The following LRRC41 variants were observed in gnomAD, a reference collection of about 807,000 sequenced individuals.
LRRC41 encodes the protein leucine-rich repeat-containing protein 41.
In LRRC41, 17 loss-of-function variants were observed where a neutral mutation model predicts 72.1. The ratio of observed to expected loss-of-function variants is 0.24; its 90% CI spans 0.16 to 0.35. The LOEUF (loss-of-function observed/expected upper bound fraction) is 0.35. Ranked by LOEUF, LRRC41 falls within the 10% of genes least tolerant of loss-of-function variation. The probability of loss-of-function intolerance (pLI) is 1.00; values close to 1 mark genes in which losing one functional copy is unlikely to be tolerated. For synonymous variants in LRRC41, 427 were observed against 431.0 expected (o/e 0.99, Z 0.11); for missense variants, 759 against 1,065.0 (o/e 0.71, Z 4.00).
Position 46,279,591 on chromosome 1 carries a change from G to A in LRRC41, c.2044C>T (p.Leu682=). 2 of 1,614,202 alleles carry A rather than the reference G, an allele frequency of 1.2e-6. No homozygotes were observed. The highest frequency in any genetic ancestry group is 1.7e-6 in the Non-Finnish European group (2 of 1,180,038). Residue 682 remains leucine, a synonymous_variant, in exon 8 of 10, where the codon CTG becomes TTG. Coordinates refer to ENST00000617190, the MANE Select transcript of LRRC41 (RefSeq NM_006369.5). This position sits in a 1 kb window ranked among gnomAD's most constrained non-coding sequence, Gnocchi z 4.5. ...AATTGGGCTGGGCGCTTCTCAAACA[G>A]ACGGCAGAAGGAGAAGGTAATCTCT... The part of the protein sequence containing the change: ...LQEITFSFCR[L]FEKRPAQFLP...
In LRRC41 at chr1:46,277,514, G is replaced by A. The variant is rs545845505; in HGVS notation, c.*1351C>T. On this transcript the variant is annotated 3_prime_UTR_variant, in exon 10 of 10. Transcript: ENST00000617190. The stretch of plus-strand genomic sequence containing the variant: ...TGAATGAGTTAGAGTTGGGCTTGGT[G>A]CAGAAATCTGAAGCTGCAGCAGACA... 134 of 464,182 alleles carry A rather than the reference G, an allele frequency of 2.9e-4. 2 individuals carry two copies. Among genetic ancestry groups the A allele is most frequent in the African/African-American group, 1.5e-3 (77 of 50,944 alleles). 28.8% of individuals were successfully genotyped at this position (464,182 alleles called of 1,614,324 possible).
rs1569631775 is a variant in LRRC41 at position 46,279,353 on chromosome 1, T to C, written c.2144-96A>G. On this transcript the variant is annotated intron_variant, in intron 8 of 9. Coordinates refer to ENST00000617190, the MANE Select transcript of LRRC41 (RefSeq NM_006369.5). The surrounding 1 kb of genome is among the most constrained non-coding windows in gnomAD (Gnocchi z 4.5). ...TGGCTGGCAGAACCAGCCCTGCTGG[T>C]TCCTGAAGCCCCAGCACAGAAATAT... is the stretch of plus-strand genomic sequence containing the variant. 1 of 1,570,340 alleles carries C rather than the reference T, an allele frequency of 6.4e-7. No homozygotes were observed. Among genetic ancestry groups the C allele is most frequent in the East Asian group, 2.2e-5 (1 of 44,602 alleles).
rs1458259922 is a variant in LRRC41 at position 46,302,316 on chromosome 1, A to G, written c.199+808T>C. On this transcript the variant is annotated intron_variant, in intron 1 of 9. Coordinates refer to ENST00000617190, the MANE Select transcript of LRRC41 (RefSeq NM_006369.5). The surrounding 1 kb of genome is among the most constrained non-coding windows in gnomAD (Gnocchi z 4.7). The stretch of plus-strand genomic sequence containing the variant: ...GCCCTTCCCGCCTGTCCGTCATTCG[A>G]GCCTCCCTCGCTTGTTTAAGCCGCT... 2.4e-5 allele frequency: 24 copies of G among 984,642 alleles called. No homozygotes were observed. Among genetic ancestry groups the G allele is most frequent in the Non-Finnish European group, 2.9e-5 (24 of 829,764 alleles). The allele number at this position is 984,642 out of a possible 1,614,324, so 61.0% of individuals were successfully genotyped here.
At chr1:46,287,102 C>T (rs1276925722) in intron 3 of LRRC41, among the ~76,000 whole-genome samples, 1 of 151,550 alleles carries the variant, frequency 6.6e-6, no homozygotes, top group Non-Finnish European at 1.5e-5. Context: ...CGCACCTAGC[C>T]CCTTATCCCA....
chr1:46,299,979 GC>G (rs1376982041), intron 1 of LRRC41: 2 of 152,170 alleles, frequency 1.3e-5, no homozygotes, highest in African/African-American at 4.8e-5. Context: ...ACAATGCCCA[GC>G]CATAATAAGC....
intron 3 of LRRC41, among the ~76,000 whole-genome samples, chr1:46,291,552 GTTTTTTTTTTTT>G (rs1219656700): frequency 2.7e-4 from 23 of 84,942 alleles, no homozygotes; most frequent in Non-Finnish European, 5.1e-4. Flanking sequence ...GCCCCAGCTG[GTTTTTTTTTTTT>G]TTTTTTTTTT....
Position 46,302,775 on chromosome 1 carries a change from C to T in LRRC41, c.199+349G>A, listed in dbSNP as rs1661270306. 1 of 985,190 alleles carries T rather than the reference C, an allele frequency of 1.0e-6. No individual in the cohort carries two copies. Among genetic ancestry groups the T allele is most frequent in the Admixed American group, 6.2e-5 (1 of 16,256 alleles). The allele number at this position is 985,190 out of a possible 1,614,324, so 61.0% of individuals were successfully genotyped here. On this transcript the variant is annotated intron_variant, in intron 1 of 9. Coordinates refer to ENST00000617190, the MANE Select transcript of LRRC41 (RefSeq NM_006369.5). This position sits in a 1 kb window ranked among gnomAD's most constrained non-coding sequence, Gnocchi z 4.7. The stretch of plus-strand genomic sequence containing the variant: ...CATCGCTGCCCACCGGTTCGACATC[C>T]GAGACTCTCCTGCCCGGCCCAGCCG...
chr1:46,291,170 C>T (rs1010458131), intron 3 of LRRC41, among the ~76,000 whole-genome samples: 12 of 150,486 alleles, frequency 8.0e-5, no homozygotes, highest in Middle Eastern at 3.5e-3. Context: ...AGTGATCCGC[C>T]GCCTTGGCCT....
rs1211056609 is a variant in LRRC41, at chr1:46,302,549, C to T, written c.199+575G>A. ...CCGACCCTTTCGTTCGGCCTCTCCC[C>T]CTGCCCCATTCCCTCGCTCTCCAAT... On this transcript the variant is annotated intron_variant, in intron 1 of 9. Transcript: ENST00000617190. The surrounding 1 kb of genome is among the most constrained non-coding windows in gnomAD (Gnocchi z 4.7). 3 of 984,960 alleles carry T rather than the reference C, an allele frequency of 3.0e-6. No individual in the cohort carries two copies. The highest frequency in any genetic ancestry group is 3.6e-6 in the Non-Finnish European group (3 of 829,842). 61.0% of individuals were successfully genotyped at this position (984,960 alleles called of 1,614,324 possible). A position where few individuals can be genotyped will look rare whatever the true frequency, so the allele number is the denominator to read the frequency against.
chr1:46,294,094 T>C (rs561925410), intron 3 of LRRC41, among the ~76,000 whole-genome samples: 1 of 151,570 alleles, frequency 6.6e-6, no homozygotes, highest in Non-Finnish European at 1.5e-5. Flanking sequence ...TATTTTTTTC[T>C]ATTCTTTGGT....
rs778782119 is a variant in LRRC41, at chr1:46,286,431, A to G, written c.426T>C (p.Asp142=). The G allele has an allele frequency of 6.2e-7, 1 of 1,614,176 alleles. No homozygotes were observed. The highest frequency in any genetic ancestry group is 1.1e-5 in the South Asian group (1 of 91,088). The change falls in exon 4 of 10, where the codon GAT becomes GAC. Residue 142 remains aspartate (D), a synonymous_variant. Transcript: ENST00000617190. The surrounding 1 kb of genome is among the most constrained non-coding windows in gnomAD (Gnocchi z 5.5). ...FFSHVLRGTI[D]VSSDRRLCDQ... is the part of the protein sequence containing the mutation. ...CACAAAGACGCCTGTCAGAAGACAC[A>G]TCAATGGTCCCACGTAGAACATGGG...
chr1:46,291,920 T>G (rs1318120397), intron 3 of LRRC41, among the ~76,000 whole-genome samples: 1 of 152,046 alleles, frequency 6.6e-6, no homozygotes, highest in Non-Finnish European at 1.5e-5. Flanking sequence ...GGTGCTATTA[T>G]AGTTCACTGC....
chr1:46,278,937 C>T lies in LRRC41; in HGVS notation c.2367G>A (p.Arg789=). 1 of 1,613,888 alleles carries T rather than the reference C, an allele frequency of 6.2e-7. No homozygotes were observed. ...VTAREAIRRL[R]ATCHVVSDSW... is the part of the protein sequence containing the mutation. ...AGTCGCTAACCACATGGCAGGTAGC[C>T]CGGAGCCGCCGGATGGCTTCCCTGG... is the stretch of plus-strand genomic sequence containing the variant. The change falls in exon 10 of 10, where the codon CGG becomes CGA. Residue 789 remains arginine, a synonymous_variant. Coordinates refer to ENST00000617190, the MANE Select transcript of LRRC41 (RefSeq NM_006369.5).
chr1:46,290,881 T>C (rs1660996802), intron 3 of LRRC41, among the ~76,000 whole-genome samples: 1 of 150,368 alleles, frequency 6.7e-6, no homozygotes, highest in African/African-American at 2.4e-5. Flanking sequence ...GTGTTGGGAT[T>C]ACAGGCGTAA....
At position 46,277,945 on chromosome 1, in the gene LRRC41, C is replaced by A; in HGVS notation, c.*920G>T. ...TGGGCGAGTTGAAGGAGCTGTTTAT[C>A]CTGGATGAAGCTAGCCTCAGTGACA... On this transcript the variant is annotated 3_prime_UTR_variant, in exon 10 of 10. Transcript: ENST00000617190. 1 of 1,614,108 alleles carries A rather than the reference C, an allele frequency of 6.2e-7. No individual in the cohort carries two copies. The highest frequency in any genetic ancestry group is 2.2e-5 in the East Asian group (1 of 44,876).
In LRRC41 at chr1:46,280,302, G is replaced by A. The variant is rs1279386690; in HGVS notation, c.1922-12C>T. 1 of 1,611,716 alleles carries A rather than the reference G, an allele frequency of 6.2e-7. No homozygotes were observed. Among genetic ancestry groups the A allele is most frequent in the East Asian group, 2.2e-5 (1 of 44,878 alleles). On this transcript the variant is annotated splice_polypyrimidine_tract_variant and intron_variant, in intron 6 of 9. Transcript: ENST00000617190. ...GGCTAGGTTGTACTCTGGATAGGAG[G>A]CAGAGACCATGGACCATGGACCTTA...
chr1:46,302,736 T>C lies in LRRC41; in HGVS notation c.199+388A>G, dbSNP rs1547180. 740,790 of 984,918 alleles carry C rather than the reference T, an allele frequency of 0.75. 279,227 individuals are homozygous for C. The highest frequency in any genetic ancestry group is 0.81 in the East Asian group (7,067 of 8,690). The allele number at this position is 984,918 out of a possible 1,614,324, so 61.0% of individuals were successfully genotyped here. ...GGCCTCCTAACCTCGGCCCCTGCCC[T>C]AGGGCAGCCGGGCCATCGCTGCCCA... is the stretch of plus-strand genomic sequence containing the variant. On this transcript the variant is annotated intron_variant, in intron 1 of 9. Transcript: ENST00000617190. This position sits in a 1 kb window ranked among gnomAD's most constrained non-coding sequence, Gnocchi z 4.7.
Position 46,285,027 on chromosome 1 carries a change from C to G in LRRC41, c.1495+335G>C. ...GATATGACTGGTGAGGTGGTGAGGT[C>G]AAACTCTAGCCCTGCCTGAGCATGC... On this transcript the variant is annotated intron_variant, in intron 4 of 9. Transcript: ENST00000617190. This position sits in a 1 kb window ranked among gnomAD's most constrained non-coding sequence, Gnocchi z 5.3. 2 of 282,408 alleles carry G rather than the reference C, an allele frequency of 7.1e-6. No homozygotes were observed. The highest frequency in any genetic ancestry group is 1.2e-3 in the Middle Eastern group (1 of 822). 17.5% of individuals were successfully genotyped at this position (282,408 alleles called of 1,614,324 possible). A position where few individuals can be genotyped will look rare whatever the true frequency, so the allele number is the denominator to read the frequency against.
Position 46,286,559 on chromosome 1 carries a change from CCT to C in LRRC41, c.358-62_358-61del, listed in dbSNP as rs1460530272. 2.0e-6 allele frequency: 3 copies of C among 1,483,810 alleles called. No individual in the cohort carries two copies. Among genetic ancestry groups the C allele is most frequent in the Non-Finnish European group, 9.1e-7 (1 of 1,101,670 alleles). The allele number at this position is 1,483,810 out of a possible 1,614,324, so 91.9% of individuals were successfully genotyped here. A position where few individuals can be genotyped will look rare whatever the true frequency, so the allele number is the denominator to read the frequency against. On this transcript the variant is annotated intron_variant, in intron 3 of 9. Coordinates refer to ENST00000617190, the MANE Select transcript of LRRC41 (RefSeq NM_006369.5). This position sits in a 1 kb window ranked among gnomAD's most constrained non-coding sequence, Gnocchi z 5.5. ...ATATCCATGAAACTGTCCAAATTTCCCTCTCTTCCAATAGCACACTATTTACT... is the reference window on the plus strand; with the variant it reads ...ATATCCATGAAACTGTCCAAATTTCCCTCTTCCAATAGCACACTATTTACT...
Sources: gnomAD v4.1 joint callset for allele counts (sites outside exome capture counted in the v4.1 genomes callset) on GRCh38, gnomAD v4.1.1 for gene constraint, Gnocchi (gnomAD v3.1) non-coding constraint, MANE v1.5 for transcripts, NCBI Gene and HGNC (gene_info 2026-07-23, HGNC 2026-07-21) for gene names.